LRBA: variants seen among roughly 807,000 people sequenced by gnomAD.
LRBA encodes the protein LPS responsive beige-like anchor protein, also known as lipopolysaccharide-responsive and beige-like anchor protein.
LRBA carries 176 observed loss-of-function variants against 330.0 expected under a neutral mutation model. The observed-to-expected ratio is 0.53, with a 90% CI of 0.47 to 0.60. LRBA has a LOEUF of 0.60. Among genes scored for constraint, LRBA ranks in the 20% least tolerant of loss-of-function variants. The pLI is 0.00. For missense variants in LRBA, 3,259 were observed against 3,444.8 expected (o/e 0.95, Z 1.35); for synonymous variants, 1,230 against 1,193.0 (o/e 1.03, Z -0.64).
Position 150,335,526 on chromosome 4 carries a change from A to ATG in LRBA, c.7363-9630_7363-9629dup, listed in dbSNP as rs200270982. ...ATACACACACATATACGTATTATATATGTGTGTATATATATATATACACAC... is the reference window on the plus strand; with the variant it reads ...ATACACACACATATACGTATTATATATGTGTGTGTATATATATATATACACAC... On this transcript the variant is annotated intron_variant, in intron 48 of 56. Coordinates refer to ENST00000651943, the MANE Select transcript of LRBA (RefSeq NM_001364905.1). Among the ~76,000 whole-genome samples, 333 of 146,558 alleles carry ATG rather than the reference A, an allele frequency of 2.3e-3. 1 individual carries two copies. The highest frequency in any genetic ancestry group is 7.9e-3 in the African/African-American group (305 of 38,668).
intron 8 of LRBA, among the ~76,000 whole-genome samples, chr4:150,914,765 T>G (rs900457671): frequency 2.0e-5 from 3 of 152,160 alleles, no homozygotes; most frequent in Admixed American, 6.5e-5. Context: ...AAAAACAGGT[T>G]ACAAAACAAT....
At chr4:150,401,297 T>C (rs1745432986) in intron 47 of LRBA, among the ~76,000 whole-genome samples, 1 of 152,266 alleles carries the variant, frequency 6.6e-6, no homozygotes, top group Non-Finnish European at 1.5e-5. Context: ...CCATGCAGTT[T>C]GTGGGACAGT....
At chr4:150,512,349 A>G (rs1485506104) in intron 40 of LRBA, among the ~76,000 whole-genome samples, 1 of 152,232 alleles carries the variant, frequency 6.6e-6, no homozygotes, top group Non-Finnish European at 1.5e-5. Flanking sequence ...GGAACTTATT[A>G]TAAGAATTAA....
intron 40 of LRBA, among the ~76,000 whole-genome samples, chr4:150,586,554 A>G (rs1202415436): frequency 6.6e-6 from 1 of 152,180 alleles, no homozygotes; most frequent in Non-Finnish European, 1.5e-5. Context: ...AACTTCTGGA[A>G]TATAAGGAAG....
intron 34 of LRBA, among the ~76,000 whole-genome samples, chr4:150,765,026 C>T (rs917987295): frequency 2.0e-5 from 3 of 151,380 alleles, no homozygotes; most frequent in Non-Finnish European, 3.0e-5. Context: ...ACAAAATGTC[C>T]TTCAGAAGGC....
intron 2 of LRBA, among the ~76,000 whole-genome samples, chr4:151,006,053 A>G (rs1368032001): frequency 3.9e-5 from 6 of 152,236 alleles, no homozygotes; most frequent in African/African-American, 2.4e-5. Flanking sequence ...GCGGAAAAGA[A>G]TAATAGGGCA....
chr4:150,862,668 A>T (rs901988881), intron 22 of LRBA, among the ~76,000 whole-genome samples: 4 of 125,236 alleles, frequency 3.2e-5, no homozygotes, highest in Non-Finnish European at 7.3e-5. Context: ...CTAGAACTTA[A>T]AGTATAATTT....
chr4:150,273,166 C>T (rs1197048522), intron 56 of LRBA, among the ~76,000 whole-genome samples: 1 of 152,122 alleles, frequency 6.6e-6, no homozygotes, highest in Non-Finnish European at 1.5e-5. Context: ...TCAACATTCT[C>T]TAAGAAAATA....
intron 42 of LRBA, 137 bp downstream of exon 42, chr4:150,487,595 T>G (rs544038322): frequency 4.1e-5 from 18 of 435,572 alleles, no homozygotes; most frequent in African/African-American, 3.4e-4. Context: ...CTATGAAACA[T>G]AAAACAGAAA....
chr4:150,664,582 C>T (rs547048475), intron 37 of LRBA, among the ~76,000 whole-genome samples: 5 of 152,276 alleles, frequency 3.3e-5, no homozygotes, highest in Admixed American at 2.6e-4. Context: ...TCCTTAGCCC[C>T]TAAGCTTTTC....
intron 5 of LRBA, among the ~76,000 whole-genome samples, chr4:150,920,498 G>A (rs908283894): frequency 2.0e-5 from 3 of 152,060 alleles, no homozygotes; most frequent in Non-Finnish European, 4.4e-5. Context: ...GCAGTGAGCC[G>A]AGATCGCACC....
At chr4:150,377,350 T>A (rs1371670591) in intron 47 of LRBA, among the ~76,000 whole-genome samples, 3 of 152,220 alleles carry the variant, frequency 2.0e-5, no homozygotes, top group Non-Finnish European at 2.9e-5. Context: ...GCAACTGTAT[T>A]CGTTTATGCA....
At chr4:150,434,618 G>A (rs1750857371) in intron 46 of LRBA, among the ~76,000 whole-genome samples, 2 of 152,114 alleles carry the variant, frequency 1.3e-5, no homozygotes, top group African/African-American at 4.8e-5. Context: ...CACTTTGGGT[G>A]GCTGAGGAAG....
chr4:150,596,952 T>G, intron 38 of LRBA: 1 of 480,584 alleles, frequency 2.1e-6, no homozygotes, highest in Non-Finnish European at 3.8e-6. Flanking sequence ...TCTCTGAAAT[T>G]GTAAGACAAC....
chr4:150,688,211 C>T (rs945792567), intron 36 of LRBA, among the ~76,000 whole-genome samples: 7 of 152,230 alleles, frequency 4.6e-5, no homozygotes, highest in South Asian at 2.1e-4. Context: ...GGAAAGGATT[C>T]GCTATTTAAT....
chr4:150,849,624 C>A (rs375892581), intron 24 of LRBA, 49 bp from the exon 25 acceptor site: 1 of 1,487,192 alleles, frequency 6.7e-7, no homozygotes, highest in Non-Finnish European at 9.3e-7. Flanking sequence ...GAAAGGAAAT[C>A]ACAGTTTGCC....
Position 150,471,582 on chromosome 4 carries a change from A to C in LRBA, c.6667+42T>G, listed in dbSNP as rs1216077925. 3.6e-6 allele frequency: 4 copies of C among 1,114,272 alleles called. No homozygotes were observed. The Admixed American group carries it at 9.2e-5, about 26-fold the overall frequency. 69.0% of individuals were successfully genotyped at this position (1,114,272 alleles called of 1,614,324 possible). On this transcript the variant is annotated intron_variant, in intron 43 of 56. Transcript: ENST00000651943. ...AAATAATCTAACAATTGAAATTAAT[A>C]ATTTATTGTCTAAAATAAATCAATA...
At chr4:150,591,227 T>C (rs772304520) in intron 38 of LRBA, among the ~76,000 whole-genome samples, 3 of 152,050 alleles carry the variant, frequency 2.0e-5, no homozygotes, top group Non-Finnish European at 4.4e-5. Context: ...CAGCAAAAAA[T>C]AAGGACTGAT....
intron 56 of LRBA, among the ~76,000 whole-genome samples, chr4:150,274,899 T>C (rs982776070): frequency 2.0e-5 from 3 of 151,966 alleles, no homozygotes; most frequent in African/African-American, 7.3e-5. Flanking sequence ...TTCCAATCAA[T>C]AGAAAAAGAG....
Sources: gnomAD v4.1 joint callset for allele counts (sites outside exome capture counted in the v4.1 genomes callset) on GRCh38, gnomAD v4.1.1 for gene constraint, MANE v1.5 for transcripts, NCBI Gene and HGNC (gene_info 2026-07-23, HGNC 2026-07-21) for gene names.